Variants in MARCHF1 observed in about 807,000 individuals in gnomAD.
MARCHF1 encodes the protein E3 ubiquitin-protein ligase MARCHF1.
MARCHF1 carries 40 observed loss-of-function variants against 54.2 expected under a neutral mutation model. The ratio of observed to expected loss-of-function variants is 0.74; its 90% CI spans 0.57 to 0.96. MARCHF1 has a LOEUF of 0.96. Among genes scored for constraint, MARCHF1 ranks in the 40% least tolerant of loss-of-function variants. The probability of loss-of-function intolerance (pLI) is 0.00; values close to 1 mark genes in which losing one functional copy is unlikely to be tolerated. For synonymous variants in MARCHF1, 236 were observed against 236.3 expected, an observed-to-expected ratio of 1.00 and a Z score of 0.01; for missense variants, 586 against 656.5, an observed-to-expected ratio of 0.89 and a Z score of 1.17.
intron 3 of MARCHF1, among the ~76,000 whole-genome samples, chr4:163,884,492 C>A (rs1750486340): frequency 6.6e-6 from 1 of 151,988 alleles, no homozygotes; most frequent in Non-Finnish European, 1.5e-5. Flanking sequence ...GTCCTGGAAA[C>A]AAAGGTAAAA....
chr4:163,853,880 TATATGA>T (rs1197378190), intron 4 of MARCHF1, 135 bp downstream of exon 4: 2 of 579,896 alleles, frequency 3.4e-6, no homozygotes, highest in African/African-American at 3.8e-5. Context: ...TAACCAAATC[TATATGA>T]ATATATTATA....
chr4:164,254,735 G>A (rs1489273932), intron 1 of MARCHF1, among the ~76,000 whole-genome samples: 1 of 152,126 alleles, frequency 6.6e-6, no homozygotes, highest in Non-Finnish European at 1.5e-5. Context: ...GAAAGGTGTA[G>A]GCTGGGAGGC....
chr4:163,534,692 T>C (rs1437429732), intron 9 of MARCHF1, among the ~76,000 whole-genome samples: 1 of 152,110 alleles, frequency 6.6e-6, no homozygotes, highest in East Asian at 1.9e-4. Flanking sequence ...GCATTTATCA[T>C]TAATCAGTGT....
At chr4:164,356,688 C>T (rs1730551921) in intron 1 of MARCHF1, among the ~76,000 whole-genome samples, 1 of 127,652 alleles carries the variant, frequency 7.8e-6, no homozygotes, top group Non-Finnish European at 1.6e-5. Context: ...GGGTGCAGCG[C>T]ACCAGCATGG....
In MARCHF1 at chr4:163,793,964, C is replaced by T. The variant is rs535523763; in HGVS notation, c.111+60057G>A. Among the ~76,000 whole-genome samples, 41 of 152,222 alleles carry T rather than the reference C, an allele frequency of 2.7e-4. No homozygotes were observed. The South Asian group carries it at 7.9e-3, about 29-fold the overall frequency. ...GAATAAAGCCCTTCCTTCTTTAACT[C>T]GGTGTCTGAGGGGTTTTGTCTGAGG... On this transcript the variant is annotated intron_variant, in intron 4 of 9. Transcript: ENST00000514618.
At chr4:163,858,278 G>C (rs1413703339) in intron 3 of MARCHF1, among the ~76,000 whole-genome samples, 1 of 152,070 alleles carries the variant, frequency 6.6e-6, no homozygotes, top group Non-Finnish European at 1.5e-5. Context: ...TTACCCCAAG[G>C]CTAATGTAAT....
rs533564885 is a variant in MARCHF1 at position 163,916,354 on chromosome 4, C to G, written c.-38-62185G>C. Among the ~76,000 whole-genome samples the G allele has an allele frequency of 1.4e-4, 19 of 137,532 alleles. No individual in the cohort carries two copies. The South Asian group carries it at 3.3e-3, about 24-fold the overall frequency. The allele number at this position is 137,532 out of a possible 152,430, so 90.2% of individuals were successfully genotyped here. On this transcript the variant is annotated intron_variant, in intron 3 of 9. Transcript: ENST00000514618. ...ATATAAGAGTGATGAAAACTGGCAC[C>G]AAAATTGGGTGTTCTCCCACTCTAG...
chr4:163,733,201 A>ATATATATATACATACACATG (rs1745910092), intron 4 of MARCHF1, among the ~76,000 whole-genome samples: 2 of 34,264 alleles, frequency 5.8e-5, no homozygotes, highest in Non-Finnish European at 1.2e-4. Context: ...ATATATATAT[A>ATATATATATACATACACATG]TATATATATA....
At chr4:163,947,114 GAAGC>G (rs1270504030) in intron 3 of MARCHF1, among the ~76,000 whole-genome samples, 1 of 152,090 alleles carries the variant, frequency 6.6e-6, no homozygotes, top group African/African-American at 2.4e-5. Flanking sequence ...GTGTAAATGA[GAAGC>G]AATATATTGG....
chr4:164,261,069 A>C (rs1204548233), intron 1 of MARCHF1, among the ~76,000 whole-genome samples: 1 of 152,036 alleles, frequency 6.6e-6, no homozygotes, highest in Admixed American at 6.6e-5. Context: ...CACGGGGAGG[A>C]TGCCATATGA....
intron 1 of MARCHF1, among the ~76,000 whole-genome samples, chr4:164,129,530 G>A (rs1409446989): frequency 1.3e-5 from 2 of 152,032 alleles, no homozygotes; most frequent in Non-Finnish European, 2.9e-5. Flanking sequence ...CAAAAGGGAT[G>A]GCATAGTCTC....
At position 164,257,323 on chromosome 4, in the gene MARCHF1, T is replaced by C. The variant is rs377592049; in HGVS notation, c.-323+126547A>G. On this transcript the variant is annotated intron_variant, in intron 1 of 9. Transcript: ENST00000514618. ...TTTTTTTAAAATAATTGGATAATTT[T>C]TCTTGTTTCTCTTATGAATACAATA... Among the ~76,000 whole-genome samples, 5 of 152,190 alleles carry C rather than the reference T, an allele frequency of 3.3e-5. No homozygotes were observed. The East Asian group carries it at 9.6e-4, about 29-fold the overall frequency.
rs1188396352 is a variant in MARCHF1 at position 163,591,062 on chromosome 4, C to A, written c.1011-5133G>T. 2.0e-5 allele frequency among the ~76,000 whole-genome samples: 3 copies of A among 150,834 alleles called. No homozygotes were observed. In the East Asian group the frequency reaches 5.8e-4, roughly 29 times the overall value. On this transcript the variant is annotated intron_variant, in intron 7 of 9. Coordinates refer to ENST00000514618, the MANE Select transcript of MARCHF1 (RefSeq NM_001394959.1). ...AATAATTATTAATAATCAATTATTT[C>A]ATATGATTATTAATTAATTATTGTC... is the stretch of plus-strand genomic sequence containing the variant.
At chr4:163,767,623 C>T (rs1747024564) in intron 4 of MARCHF1, among the ~76,000 whole-genome samples, 1 of 152,178 alleles carries the variant, frequency 6.6e-6, no homozygotes, top group East Asian at 1.9e-4. Flanking sequence ...CGTGAGCCAC[C>T]GTGCCCAGCC....
chr4:163,747,880 G>A (rs1746406455), intron 4 of MARCHF1, among the ~76,000 whole-genome samples: 1 of 152,216 alleles, frequency 6.6e-6, no homozygotes, highest in Non-Finnish European at 1.5e-5. Flanking sequence ...CTCAGACACA[G>A]GTATGCGGTA....
At chr4:163,892,092 C>T (rs1750673961) in intron 3 of MARCHF1, among the ~76,000 whole-genome samples, 1 of 151,816 alleles carries the variant, frequency 6.6e-6, no homozygotes, top group African/African-American at 2.4e-5. Context: ...AGAAAATAAA[C>T]CATAATTATG....
At chr4:163,751,141 G>A (rs1746507498) in intron 4 of MARCHF1, among the ~76,000 whole-genome samples, 1 of 72,796 alleles carries the variant, frequency 1.4e-5, no homozygotes, top group Non-Finnish European at 4.3e-5. Context: ...CTTTGTGTGT[G>A]TGTGTGTGTG....
In MARCHF1 at chr4:163,665,872, T is replaced by C. The variant is rs538658068; in HGVS notation, c.162+34941A>G. 3.4e-4 allele frequency among the ~76,000 whole-genome samples: 52 copies of C among 152,286 alleles called. No individual in the cohort carries two copies. The South Asian group carries it at 0.01, about 30-fold the overall frequency. On this transcript the variant is annotated intron_variant, in intron 5 of 9. Coordinates refer to ENST00000514618, the MANE Select transcript of MARCHF1 (RefSeq NM_001394959.1). ...ATTAGTTTTACTCCTCCATTGGGCA[T>C]ACCAAGATAATCTCTCAGAGGTTAG...
Position 163,897,350 on chromosome 4 carries a change from G to A in MARCHF1, c.-38-43181C>T, listed in dbSNP as rs77050552. Among the ~76,000 whole-genome samples, 551 of 152,184 alleles carry A rather than the reference G, an allele frequency of 3.6e-3. 2 individuals are homozygous for A. The highest frequency in any genetic ancestry group is 9.6e-3 in the Admixed American group (146 of 15,276). On this transcript the variant is annotated intron_variant, in intron 3 of 9. Coordinates refer to ENST00000514618, the MANE Select transcript of MARCHF1 (RefSeq NM_001394959.1). ...ACCCCTATCTCTGTCTAACTTAAAT[G>A]ATAGAGCCCATTATTATAATCACTT...
Sources: gnomAD v4.1 joint callset for allele counts (sites outside exome capture counted in the v4.1 genomes callset) on GRCh38, gnomAD v4.1.1 for gene constraint, MANE v1.5 for transcripts, NCBI Gene and HGNC (gene_info 2026-07-23, HGNC 2026-07-21) for gene names.